The following LARGE1 variants were observed in gnomAD, a reference collection of about 807,000 sequenced individuals.
The protein encoded by LARGE1 is LARGE xylosyl- and glucuronyltransferase 1, also known as xylosyl- and glucuronyltransferase LARGE1.
A neutral mutation model predicts 87.6 loss-of-function variants in LARGE1; 43 were observed. The ratio of observed to expected loss-of-function variants is 0.49; its 90% CI spans 0.38 to 0.63. The LOEUF is 0.63. Among genes scored for constraint, LARGE1 ranks in the 30% least tolerant of loss-of-function variants. The probability of loss-of-function intolerance (pLI) is 0.00; values close to 1 mark genes in which losing one functional copy is unlikely to be tolerated. For missense variants in LARGE1, 802 were observed against 1,000.2 expected (o/e 0.80, Z 2.67); for synonymous variants, 434 against 394.6 (o/e 1.10, Z -1.18).
intron 1 of LARGE1, among the ~76,000 whole-genome samples, chr22:33,854,212 G>GAAA (rs67771177): frequency 1.1e-4 from 8 of 72,714 alleles, no homozygotes; most frequent in African/African-American, 2.0e-4. Flanking sequence ...CACTTAAGGG[G>GAAA]AAAAAAAAAA....
chr22:33,442,631 G>C (rs2067519680), intron 6 of LARGE1, among the ~76,000 whole-genome samples: 1 of 152,098 alleles, frequency 6.6e-6, no homozygotes, highest in Non-Finnish European at 1.5e-5. Context: ...CTATGTCAGT[G>C]ATGAGTTTTC....
intron 2 of LARGE1, among the ~76,000 whole-genome samples, chr22:33,671,997 A>G (rs1424551906): frequency 2.6e-5 from 4 of 152,216 alleles, no homozygotes; most frequent in Admixed American, 2.0e-4. Context: ...ATTTCTTACC[A>G]CACATAAAAA....
chr22:33,314,350 T>A (rs1402235513), intron 11 of LARGE1, among the ~76,000 whole-genome samples: 1 of 152,290 alleles, frequency 6.6e-6, no homozygotes, highest in East Asian at 1.9e-4. Context: ...TTTGCTTGCA[T>A]GTGGCGGGAC....
chr22:33,229,334 T>G (rs1260867297), intron 11 of LARGE1, among the ~76,000 whole-genome samples: 1 of 152,040 alleles, frequency 6.6e-6, no homozygotes, highest in Non-Finnish European at 1.5e-5. Context: ...ATGAGGAAAA[T>G]TAGCATCTCA....
chr22:33,160,529 A>C (rs1921988153), downstream of LARGE1, among the ~76,000 whole-genome samples: 1 of 152,254 alleles, frequency 6.6e-6, no homozygotes, highest in Non-Finnish European at 1.5e-5. Flanking sequence ...AAATGGGATT[A>C]GAGACATGAA....
intron 2 of LARGE1, among the ~76,000 whole-genome samples, chr22:33,739,021 A>G (rs239330): frequency 0.62 from 93,656 of 150,182 alleles, 31,788 homozygotes; most frequent in African/African-American, 0.9. Flanking sequence ...TGAAGAAAGC[A>G]AAGACAAAAT....
chr22:33,149,181 C>T, the LARGE1 span, among the ~76,000 whole-genome samples: 33 of 150,666 alleles, frequency 2.2e-4, no homozygotes, highest in African/African-American at 5.3e-4. Flanking sequence ...GGACTACAGG[C>T]GCCCGTCACC....
rs10708588 is a variant in LARGE1 at position 33,319,774 on chromosome 22, T to TG, written c.1288-3527dup. Among the ~76,000 whole-genome samples, 37 of 152,168 alleles carry TG rather than the reference T, an allele frequency of 2.4e-4. No homozygotes were observed. In the East Asian group the frequency reaches 5.0e-3, roughly 21 times the overall value. ...CTGATAGAGTGCTATTGGTATTTTGTGGGGGGCACTTTTTTATTATGGGGA... is the reference window on the plus strand; with the variant it reads ...CTGATAGAGTGCTATTGGTATTTTGTGGGGGGGCACTTTTTTATTATGGGGA... On this transcript the variant is annotated intron_variant, in intron 10 of 14. Transcript: ENST00000397394.
chr22:33,136,693 G>A, the LARGE1 span, among the ~76,000 whole-genome samples: 1 of 152,110 alleles, frequency 6.6e-6, no homozygotes, highest in Non-Finnish European at 1.5e-5. Flanking sequence ...TGGGAACTTG[G>A]GAAGGCAATA....
At chr22:33,154,878 A>G in the LARGE1 span, among the ~76,000 whole-genome samples, 6 of 152,298 alleles carry the variant, frequency 3.9e-5, 1 homozygote, top group African/African-American at 1.4e-4. Flanking sequence ...AGGTAATTGA[A>G]TCATGGTGGC....
chr22:33,678,618 G>C (rs1333885246), intron 2 of LARGE1, among the ~76,000 whole-genome samples: 1 of 152,136 alleles, frequency 6.6e-6, no homozygotes, highest in Non-Finnish European at 1.5e-5. Context: ...TTTCAGCACT[G>C]GCACTAGCAG....
intron 7 of LARGE1, among the ~76,000 whole-genome samples, chr22:33,394,441 G>T (rs541574125): frequency 6.6e-6 from 1 of 152,042 alleles, no homozygotes; most frequent in Non-Finnish European, 1.5e-5. Context: ...CTCGTAATCC[G>T]CATGCCTCGG....
At chr22:33,214,362 C>G (rs749714309) in intron 11 of LARGE1, among the ~76,000 whole-genome samples, 2 of 151,978 alleles carry the variant, frequency 1.3e-5, no homozygotes, top group Non-Finnish European at 2.9e-5. Flanking sequence ...ACCTAAAGAA[C>G]TAATCTTAAC....
At chr22:33,740,823 C>T (rs2083854008) in intron 2 of LARGE1, among the ~76,000 whole-genome samples, 1 of 152,156 alleles carries the variant, frequency 6.6e-6, no homozygotes, top group African/African-American at 2.4e-5. Context: ...AGTTCATGCC[C>T]TCCCCCGCCA....
chr22:33,197,306 CATAAA>C (rs1568969429), intron 11 of LARGE1, among the ~76,000 whole-genome samples: 2 of 151,870 alleles, frequency 1.3e-5, no homozygotes, highest in African/African-American at 4.8e-5. Flanking sequence ...GGCAAAGATA[CATAAA>C]ATAAAACAAA....
chr22:33,272,231 C>T (rs538200056), downstream of LARGE1, among the ~76,000 whole-genome samples: 19 of 152,330 alleles, frequency 1.2e-4, no homozygotes, highest in South Asian at 2.1e-3. Flanking sequence ...AAACCTGTAT[C>T]GGTATGTGTA....
intron 4 of LARGE1, among the ~76,000 whole-genome samples, chr22:33,617,095 A>C: frequency 6.6e-6 from 1 of 152,198 alleles, no homozygotes; most frequent in East Asian, 1.9e-4. Context: ...CTAAGCAGTA[A>C]ATGGTGTGCC....
At chr22:33,351,654 C>T (rs1238644294) in intron 9 of LARGE1, among the ~76,000 whole-genome samples, 2 of 151,964 alleles carry the variant, frequency 1.3e-5, no homozygotes, top group South Asian at 2.1e-4. Flanking sequence ...ATACTACTAC[C>T]CCCTTTGCGA....
intron 12 of LARGE1, among the ~76,000 whole-genome samples, chr22:33,298,175 C>T (rs1453899709): frequency 6.6e-6 from 1 of 152,034 alleles, no homozygotes; most frequent in Non-Finnish European, 1.5e-5. Flanking sequence ...GGGTCATTCC[C>T]TTATTAGTTT....
Sources: allele counts gnomAD v4.1 joint callset (sites outside exome capture counted in the v4.1 genomes callset), GRCh38; gene constraint gnomAD v4.1.1; transcripts MANE v1.5; gene names NCBI Gene and HGNC (gene_info 2026-07-23, HGNC 2026-07-21).